Variants in PCNX2 observed in about 807,000 individuals in gnomAD.
The protein encoded by PCNX2 is pecanex 2.
A neutral mutation model predicts 223.8 loss-of-function variants in PCNX2; 168 were observed. That is an observed-to-expected ratio of 0.75 (90% CI 0.66 to 0.85). The LOEUF (loss-of-function observed/expected upper bound fraction) is 0.85, where lower values mean the gene tolerates loss of function less well. Among genes scored for constraint, PCNX2 ranks in the 40% least tolerant of loss-of-function variants. The pLI is 0.00. For missense variants in PCNX2, 2,507 were observed against 2,675.5 expected (o/e 0.94, Z 1.39); for synonymous variants, 1,006 against 1,052.6 (o/e 0.96, Z 0.86).
chr1:233,005,683 G>A (rs1670259393), intron 28 of PCNX2, among the ~76,000 whole-genome samples: 1 of 152,236 alleles, frequency 6.6e-6, no homozygotes, highest in Non-Finnish European at 1.5e-5. Context: ...AGAGAATGAA[G>A]AGGGGAAGGT....
chr1:233,005,198 A>G (rs1423486098), intron 28 of PCNX2, among the ~76,000 whole-genome samples: 1 of 152,214 alleles, frequency 6.6e-6, no homozygotes, highest in Non-Finnish European at 1.5e-5. Flanking sequence ...GAGGGTCATG[A>G]TACTTGCTCA....
intron 19 of PCNX2, among the ~76,000 whole-genome samples, chr1:233,141,205 T>C (rs1677090436): frequency 6.6e-6 from 1 of 152,192 alleles, no homozygotes; most frequent in African/African-American, 2.4e-5. Flanking sequence ...AAATTGTCTG[T>C]TTCCAATCAG....
At position 233,167,336 on chromosome 1, in the gene PCNX2, A is replaced by AAGAG. The variant is rs71821384; in HGVS notation, c.3274-5977_3274-5974dup. Reference sequence around the variant, plus strand: ...TGATTTCACTTTTATGTAGAATCTAAAGAGAGAGAGAGAGAGAGAGAGAGT... The same window carrying AAGAG: ...TGATTTCACTTTTATGTAGAATCTAAAGAGAGAGAGAGAGAGAGAGAGAGAGAGT... On this transcript the variant is annotated intron_variant, in intron 17 of 33. Transcript: ENST00000258229. 1.9e-3 allele frequency among the ~76,000 whole-genome samples: 281 copies of AAGAG among 149,070 alleles called. 1 individual carries two copies. The highest frequency in any genetic ancestry group is 3.4e-3 in the Middle Eastern group (1 of 290).
At chr1:233,207,539 G>T (rs1254754226) in intron 13 of PCNX2, among the ~76,000 whole-genome samples, 1 of 152,144 alleles carries the variant, frequency 6.6e-6, no homozygotes, top group African/African-American at 2.4e-5. Context: ...TGCATAAAAG[G>T]GACAACAACA....
chr1:233,313,312 A>C, the PCNX2 span, among the ~76,000 whole-genome samples: 4 of 152,230 alleles, frequency 2.6e-5, no homozygotes, highest in East Asian at 7.7e-4. Context: ...TTGCCAGGAA[A>C]ATTCTAGAAA....
chr1:233,206,022 C>T (rs568677960), intron 13 of PCNX2, among the ~76,000 whole-genome samples: 59 of 151,990 alleles, frequency 3.9e-4, no homozygotes, highest in Admixed American at 1.3e-3. Context: ...CGGGGGAGGC[C>T]GCAGAACAGC....
chr1:233,077,751 T>C (rs141326072), intron 23 of PCNX2, among the ~76,000 whole-genome samples: 369 of 152,292 alleles, frequency 2.4e-3, no homozygotes, highest in Non-Finnish European at 3.9e-3. Flanking sequence ...ATTGCCCTTA[T>C]TTTTACTGGG....
At position 232,991,413 on chromosome 1, in the gene PCNX2, G is replaced by A. The variant is rs1296533858; in HGVS notation, c.5792-4873C>T. On this transcript the variant is annotated intron_variant, in intron 32 of 33. Transcript: ENST00000258229. The surrounding 1 kb of genome is among the most constrained non-coding windows in gnomAD (Gnocchi z 4.3). ...GAGAGAAGGCGTGAGAGAGAGAGCA[G>A]ACCAGATGGGGGCCTGCGGGGGAGG... Among the ~76,000 whole-genome samples, 1 of 152,098 alleles carries A rather than the reference G, an allele frequency of 6.6e-6. No individual in the cohort carries two copies. Among genetic ancestry groups the A allele is most frequent in the Non-Finnish European group, 1.5e-5 (1 of 68,012 alleles).
rs144404820 is a variant in PCNX2, at chr1:233,030,007, A to G, written c.4352-4608T>C. On this transcript the variant is annotated intron_variant, in intron 25 of 33. Coordinates refer to ENST00000258229, the MANE Select transcript of PCNX2 (RefSeq NM_014801.4). ...TCATCAGTTAAAAAAAATCTGGATAATATGTCTTCAGTTGCTTTTCCACCC... is the reference window on the plus strand; with the variant it reads ...TCATCAGTTAAAAAAAATCTGGATAGTATGTCTTCAGTTGCTTTTCCACCC... 2.0e-3 allele frequency among the ~76,000 whole-genome samples: 300 copies of G among 152,250 alleles called. 1 individual carries two copies. The highest frequency in any genetic ancestry group is 6.3e-3 in the African/African-American group (261 of 41,538).
intron 21 of PCNX2, among the ~76,000 whole-genome samples, chr1:233,122,092 A>ACG (rs1451837425): frequency 5.4e-4 from 80 of 149,170 alleles, no homozygotes; most frequent in African/African-American, 1.9e-3. Flanking sequence ...ACACACACAC[A>ACG]CACACACACA....
chr1:233,131,428 A>G (rs1318553733), intron 21 of PCNX2, among the ~76,000 whole-genome samples: 1 of 152,214 alleles, frequency 6.6e-6, no homozygotes, highest in African/African-American at 2.4e-5. Flanking sequence ...GGAGCTATCA[A>G]TTAGGACTTT....
intron 21 of PCNX2, among the ~76,000 whole-genome samples, chr1:233,114,585 TTGGAAGTTA>T (rs2102982017): frequency 6.6e-6 from 1 of 152,202 alleles, no homozygotes; most frequent in African/African-American, 2.4e-5. Flanking sequence ...TGTAAAAAGC[TTGGAAGTTA>T]TTTTTACAAG....
At chr1:233,025,551 G>A (rs1043742832) in intron 25 of PCNX2, 152 bp from the exon 26 acceptor site, 4 of 899,184 alleles carry the variant, frequency 4.4e-6, no homozygotes, top group Non-Finnish European at 6.6e-6. Flanking sequence ...GTCCCCCAAA[G>A]AAGTCACAAT....
rs1279729265 is a variant in PCNX2, at chr1:233,210,693, A to T, written c.2692-2004T>A. ...CAAATCTCCTAAGGACTGATTTTTT[A>T]ATTTTTCCAGTAGAAAAATTCCAGT... On this transcript the variant is annotated intron_variant, in intron 12 of 33. Coordinates refer to ENST00000258229, the MANE Select transcript of PCNX2 (RefSeq NM_014801.4). 7 of 974,090 alleles carry T rather than the reference A, an allele frequency of 7.2e-6. No homozygotes were observed. The South Asian group carries it at 3.3e-4, about 46-fold the overall frequency. The allele number at this position is 974,090 out of a possible 1,614,324, so 60.3% of individuals were successfully genotyped here.
intron 25 of PCNX2, among the ~76,000 whole-genome samples, chr1:233,040,353 C>G (rs1171262707): frequency 6.6e-6 from 1 of 152,224 alleles, no homozygotes; most frequent in African/African-American, 2.4e-5. Flanking sequence ...TTGTCTTCAT[C>G]CTCCCATGAG....
At chr1:233,063,922 G>A (rs1672496166) in intron 23 of PCNX2, among the ~76,000 whole-genome samples, 1 of 152,002 alleles carries the variant, frequency 6.6e-6, no homozygotes, top group African/African-American at 2.4e-5. Flanking sequence ...GTCTATTACA[G>A]TATACATTTT....
At position 233,186,165 on chromosome 1, in the gene PCNX2, A is replaced by G. The variant is rs114942945; in HGVS notation, c.3067-6990T>C. On this transcript the variant is annotated intron_variant, in intron 15 of 33. Coordinates refer to ENST00000258229, the MANE Select transcript of PCNX2 (RefSeq NM_014801.4). ...CAACAGGCCGAATTCTTGCTTTGCTATGCCTTTCATATCAGGTTTAAATAC... is the reference window on the plus strand; with the variant it reads ...CAACAGGCCGAATTCTTGCTTTGCTGTGCCTTTCATATCAGGTTTAAATAC... 9.9e-3 allele frequency among the ~76,000 whole-genome samples: 1,508 copies of G among 152,262 alleles called. 23 individuals carry two copies. Among genetic ancestry groups the G allele is most frequent in the African/African-American group, 0.034 (1,410 of 41,528 alleles).
At chr1:233,264,433 G>A (rs578006530) in intron 1 of PCNX2, among the ~76,000 whole-genome samples, 91 of 152,272 alleles carry the variant, frequency 6.0e-4, no homozygotes, top group African/African-American at 2.2e-3. Flanking sequence ...CCATGCCTAA[G>A]CAGACCCTGT....
At chr1:233,235,852 T>C (rs1051302547) in intron 9 of PCNX2, among the ~76,000 whole-genome samples, 1 of 151,186 alleles carries the variant, frequency 6.6e-6, no homozygotes, top group Non-Finnish European at 1.5e-5. Flanking sequence ...TCCATCCACC[T>C]TGGCCTCCCA....
Sources: allele counts gnomAD v4.1 joint callset (sites outside exome capture counted in the v4.1 genomes callset), GRCh38; gene constraint gnomAD v4.1.1; non-coding constraint Gnocchi (gnomAD v3.1); transcripts MANE v1.5; gene names NCBI Gene and HGNC (gene_info 2026-07-23, HGNC 2026-07-21).